The following PAK5 variants were observed in gnomAD, a reference collection of about 807,000 sequenced individuals.
PAK5 encodes the protein p21 (RAC1) activated kinase 5.
A neutral mutation model predicts 65.9 loss-of-function variants in PAK5; 16 were observed. The observed-to-expected ratio is 0.24, with a 90% CI of 0.16 to 0.37. The LOEUF (loss-of-function observed/expected upper bound fraction) is 0.37, where lower values mean the gene tolerates loss of function less well. PAK5 is among the 10% of genes least tolerant of loss of function. The probability of loss-of-function intolerance (pLI) is 1.00; values close to 1 mark genes in which losing one functional copy is unlikely to be tolerated. For missense variants in PAK5, 785 were observed against 903.9 expected, an observed-to-expected ratio of 0.87 and a Z score of 1.69; for synonymous variants, 371 against 354.9, an observed-to-expected ratio of 1.05 and a Z score of -0.51.
At chr20:9,823,537 C>G (rs566333744) in intron 1 of PAK5, among the ~76,000 whole-genome samples, 1 of 152,314 alleles carries the variant, frequency 6.6e-6, no homozygotes, top group African/African-American at 2.4e-5. Flanking sequence ...ATGAGCTCCC[C>G]TGCACAATTA....
chr20:9,831,804 G>A (rs1013662594), intron 1 of PAK5, among the ~76,000 whole-genome samples: 6 of 151,974 alleles, frequency 3.9e-5, no homozygotes, highest in Admixed American at 6.6e-5. Flanking sequence ...CACCGTGCCC[G>A]GCCTACTACA....
In PAK5 at chr20:9,548,467, C is replaced by T. The variant is rs181179653; in HGVS notation, c.1744-3973G>A. 3.9e-4 allele frequency among the ~76,000 whole-genome samples: 59 copies of T among 151,954 alleles called. No homozygotes were observed. The East Asian group carries it at 0.011, about 28-fold the overall frequency. On this transcript the variant is annotated intron_variant, in intron 7 of 9. Coordinates refer to ENST00000353224, the MANE Select transcript of PAK5 (RefSeq NM_177990.4). ...TATGTATACATGTGCCATGCTGGTG[C>T]GCTGCACCCTCTTTTCCAAATTCAG... is the stretch of plus-strand genomic sequence containing the variant.
At chr20:9,774,097 C>A (rs1395555098) in intron 1 of PAK5, among the ~76,000 whole-genome samples, 1 of 152,194 alleles carries the variant, frequency 6.6e-6, no homozygotes, top group Admixed American at 6.5e-5. Flanking sequence ...TTTCTTACAT[C>A]GCCATGGTAA....
intron 3 of PAK5, among the ~76,000 whole-genome samples, chr20:9,622,847 G>A (rs542473163): frequency 6.6e-6 from 1 of 152,162 alleles, no homozygotes; most frequent in African/African-American, 2.4e-5. Flanking sequence ...TGCCAAAAAG[G>A]TTGGGGACTG....
intron 1 of PAK5, among the ~76,000 whole-genome samples, chr20:9,718,573 G>T (rs2048177729): frequency 6.6e-6 from 1 of 152,082 alleles, no homozygotes; most frequent in African/African-American, 2.4e-5. Context: ...CCAATGGGTT[G>T]CAAAATCATG....
At chr20:9,749,952 C>T (rs902640528) in intron 1 of PAK5, among the ~76,000 whole-genome samples, 2 of 152,198 alleles carry the variant, frequency 1.3e-5, no homozygotes, top group African/African-American at 4.8e-5. Context: ...CTTACGTTAT[C>T]AGCTCTTAAA....
chr20:9,596,422 G>C (rs1359699187), intron 3 of PAK5, among the ~76,000 whole-genome samples: 1 of 152,054 alleles, frequency 6.6e-6, no homozygotes, highest in East Asian at 1.9e-4. Context: ...GGATCACAAG[G>C]TCAGGAGATC....
At chr20:9,558,090 T>TGGA (rs2045538978) in intron 6 of PAK5, among the ~76,000 whole-genome samples, 1 of 149,568 alleles carries the variant, frequency 6.7e-6, no homozygotes, top group African/African-American at 2.5e-5. Flanking sequence ...GGAGTCCCGC[T>TGGA]CTGTCACCCA....
chr20:9,823,426 T>C (rs2049446671), intron 1 of PAK5, among the ~76,000 whole-genome samples: 1 of 152,230 alleles, frequency 6.6e-6, no homozygotes, highest in Non-Finnish European at 1.5e-5. Context: ...TCCTCACGTG[T>C]CAAGGGTGGG....
intron 1 of PAK5, among the ~76,000 whole-genome samples, chr20:9,815,168 A>G (rs1314913630): frequency 1.3e-5 from 2 of 152,152 alleles, no homozygotes; most frequent in Non-Finnish European, 2.9e-5. Flanking sequence ...TTCATGAAGG[A>G]TCCGCCCCCA....
intron 3 of PAK5, among the ~76,000 whole-genome samples, chr20:9,592,729 T>C (rs768526260): frequency 8.5e-5 from 13 of 152,120 alleles, no homozygotes; most frequent in Non-Finnish European, 4.4e-5. Flanking sequence ...AGTAGGTAGG[T>C]AGCAATGGGC....
At chr20:9,665,606 C>T (rs1220739020) in intron 2 of PAK5, among the ~76,000 whole-genome samples, 1 of 151,960 alleles carries the variant, frequency 6.6e-6, no homozygotes, top group African/African-American at 2.4e-5. Context: ...CCTCAGCCTC[C>T]TGATTAGCTG....
chr20:9,792,517 A>G (rs2049060532), intron 1 of PAK5, among the ~76,000 whole-genome samples: 1 of 152,184 alleles, frequency 6.6e-6, no homozygotes, highest in Non-Finnish European at 1.5e-5. Flanking sequence ...GGAAATATCC[A>G]AAAATTGCCA....
At chr20:9,809,613 GT>G (rs370639415) in intron 1 of PAK5, among the ~76,000 whole-genome samples, 1 of 152,036 alleles carries the variant, frequency 6.6e-6, no homozygotes, top group African/African-American at 2.4e-5. Context: ...TGTCATTATA[GT>G]TTTTTTAAGA....
intron 2 of PAK5, among the ~76,000 whole-genome samples, chr20:9,670,909 C>A (rs1043779589): frequency 1.1e-4 from 16 of 152,136 alleles, no homozygotes; most frequent in African/African-American, 3.6e-4. Flanking sequence ...GGTATTAGGT[C>A]TAACATGTAA....
chr20:9,583,073 T>C (rs113146732), intron 3 of PAK5, among the ~76,000 whole-genome samples: 112 of 152,266 alleles, frequency 7.4e-4, no homozygotes, highest in African/African-American at 2.3e-3. Flanking sequence ...AAATTAAGAT[T>C]TGGTTCCAGG....
intron 2 of PAK5, among the ~76,000 whole-genome samples, chr20:9,700,467 A>T (rs1380351049): frequency 6.6e-6 from 1 of 152,078 alleles, no homozygotes; most frequent in Non-Finnish European, 1.5e-5. Context: ...ATAAACCAAG[A>T]TTTCTCATTC....
chr20:9,682,226 G>A (rs535616456), intron 2 of PAK5, among the ~76,000 whole-genome samples: 5 of 152,120 alleles, frequency 3.3e-5, no homozygotes, highest in African/African-American at 7.2e-5. Context: ...GCGTGGTGGC[G>A]GGCGCCTGTA....
At chr20:9,754,376 G>A (rs1268206687) in intron 1 of PAK5, among the ~76,000 whole-genome samples, 6 of 152,056 alleles carry the variant, frequency 3.9e-5, no homozygotes. Context: ...TGATTGGTCG[G>A]GTCAGAGATG....
Sources: allele counts gnomAD v4.1 joint callset (sites outside exome capture counted in the v4.1 genomes callset), GRCh38; gene constraint gnomAD v4.1.1; transcripts MANE v1.5; gene names NCBI Gene and HGNC (gene_info 2026-07-23, HGNC 2026-07-21).